MSH4: variants seen among roughly 807,000 people sequenced by gnomAD.
MSH4 encodes the protein mutS protein homolog 4.
Under a neutral mutation model 113.7 loss-of-function variants are expected in MSH4, and 106 were observed. That is an observed-to-expected ratio of 0.93 (90% CI 0.80 to 1.10). MSH4 has a LOEUF of 1.10. Ranked by LOEUF, MSH4 falls within the 50% of genes least tolerant of loss-of-function variation. MSH4 has a pLI of 0.00. For synonymous variants in MSH4, 368 were observed against 380.2 expected, an observed-to-expected ratio of 0.97 and a Z score of 0.37; for missense variants, 1,061 against 1,093.7, an observed-to-expected ratio of 0.97 and a Z score of 0.42.
At chr1:75,797,983 TTTA>T (rs1013645418) in intron 1 of MSH4, among the ~76,000 whole-genome samples, 4 of 152,132 alleles carry the variant, frequency 2.6e-5, no homozygotes, top group African/African-American at 7.2e-5. Context: ...CTTCAAATCA[TTTA>T]TTATTTTGTT....
chr1:75,833,888 A>G (rs942980405), intron 7 of MSH4, among the ~76,000 whole-genome samples: 3 of 152,160 alleles, frequency 2.0e-5, no homozygotes, highest in Admixed American at 6.6e-5. Flanking sequence ...GGACTTCATG[A>G]CTAAAACACC....
chr1:75,859,463 C>A (rs1335493817), intron 8 of MSH4, among the ~76,000 whole-genome samples: 1 of 152,192 alleles, frequency 6.6e-6, no homozygotes, highest in Non-Finnish European at 1.5e-5. Context: ...TACGTTGTGT[C>A]TTTGTTCTCA....
intron 7 of MSH4, among the ~76,000 whole-genome samples, chr1:75,837,088 T>C (rs1050571293): frequency 6.6e-6 from 1 of 152,168 alleles, no homozygotes. Context: ...GTGGGGCCTT[T>C]AGGGGGTGGT....
chr1:75,909,620 C>A (rs1482082228), intron 19 of MSH4, among the ~76,000 whole-genome samples: 1 of 151,986 alleles, frequency 6.6e-6, no homozygotes, highest in African/African-American at 2.4e-5. Context: ...AGATATTTGT[C>A]CTAATGCTAT....
Position 75,866,779 on chromosome 1 carries a change from G to C in MSH4, c.1231-735G>C, listed in dbSNP as rs374565892. 5.8e-4 allele frequency among the ~76,000 whole-genome samples: 88 copies of C among 151,528 alleles called. No homozygotes were observed. The East Asian group carries it at 0.01, about 18-fold the overall frequency. ...CTGGATCATCTGAGGTCAGGAGTTCGAGACCAGCCTAGCCAACATGGTGAA... is the reference window on the plus strand; with the variant it reads ...CTGGATCATCTGAGGTCAGGAGTTCCAGACCAGCCTAGCCAACATGGTGAA... On this transcript the variant is annotated intron_variant, in intron 8 of 19. Transcript: ENST00000263187.
intron 1 of MSH4, among the ~76,000 whole-genome samples, chr1:75,797,628 AAT>A (rs1649845810): frequency 9.9e-6 from 1 of 100,648 alleles, no homozygotes; most frequent in African/African-American, 4.0e-5. Flanking sequence ...CAGGGAAAAT[AAT>A]ATGTTTAGTA....
intron 3 of MSH4, among the ~76,000 whole-genome samples, chr1:75,807,967 A>C (rs369158367): frequency 9.7e-4 from 147 of 152,316 alleles, no homozygotes; most frequent in African/African-American, 3.4e-3. Flanking sequence ...GGACATCAGA[A>C]ATTTGACTCC....
intron 14 of MSH4, 79 bp downstream of exon 14, chr1:75,881,449 G>T: frequency 6.9e-7 from 1 of 1,455,082 alleles, no homozygotes; most frequent in East Asian, 2.4e-5. Context: ...TAATAGTTAT[G>T]ACATTTAAAA....
At chr1:75,835,444 GA>G (rs1232661866) in intron 7 of MSH4, among the ~76,000 whole-genome samples, 1 of 152,140 alleles carries the variant, frequency 6.6e-6, no homozygotes, top group Non-Finnish European at 1.5e-5. Context: ...CCAAGAATAT[GA>G]AAAGTCATTT....
In MSH4 at chr1:75,810,813, T is replaced by A; in HGVS notation, c.699+6T>A. 7.6e-7 allele frequency: 1 copy of A among 1,323,498 alleles called. No individual in the cohort carries two copies. The highest frequency in any genetic ancestry group is 1.1e-6 in the Non-Finnish European group (1 of 938,788). The allele number at this position is 1,323,498 out of a possible 1,614,324, so 82.0% of individuals were successfully genotyped here. ...TGATCACAGAAAATTTCAAGGTAAG[T>A]GATGTTTACTGTTTGTAACATTCAA... On this transcript the variant is annotated splice_donor_region_variant and intron_variant, in intron 4 of 19. Transcript: ENST00000263187.
intron 19 of MSH4, among the ~76,000 whole-genome samples, chr1:75,911,249 C>T (rs1244447243): frequency 5.9e-5 from 9 of 152,134 alleles, no homozygotes; most frequent in East Asian, 5.8e-4. Flanking sequence ...CTCGGTTTCA[C>T]GTAATCTACA....
chr1:75,842,888 G>A (rs1467239165), intron 7 of MSH4, among the ~76,000 whole-genome samples: 1 of 152,170 alleles, frequency 6.6e-6, no homozygotes, highest in African/African-American at 2.4e-5. Context: ...ACATTAGTCA[G>A]GCTCGTCCAC....
At chr1:75,834,581 C>A (rs188607091) in intron 7 of MSH4, among the ~76,000 whole-genome samples, 91 of 152,312 alleles carry the variant, frequency 6.0e-4, no homozygotes, top group Non-Finnish European at 1.2e-3. Flanking sequence ...GCATATACAC[C>A]ATGGACTACT....
intron 19 of MSH4, among the ~76,000 whole-genome samples, chr1:75,904,746 A>AT (rs57715590): frequency 0.13 from 19,980 of 151,764 alleles, 1,525 homozygotes; most frequent in East Asian, 0.26. Flanking sequence ...TTGAAGGGAG[A>AT]TTTTTTATTA....
At chr1:75,897,874 G>A in intron 17 of MSH4, 33 bp from the exon 18 acceptor site, 1 of 1,322,964 alleles carries the variant, frequency 7.6e-7, no homozygotes, top group Non-Finnish European at 9.9e-7. Context: ...AATTTTTAAA[G>A]TACTAATATT....
At chr1:75,859,582 C>G (rs1570972045) in intron 8 of MSH4, among the ~76,000 whole-genome samples, 1 of 152,054 alleles carries the variant, frequency 6.6e-6, no homozygotes, top group Non-Finnish European at 1.5e-5. Context: ...TTGAGTGAGT[C>G]TCTTAATCCT....
At chr1:75,870,141 G>A (rs1368382229) in intron 9 of MSH4, among the ~76,000 whole-genome samples, 5 of 152,216 alleles carry the variant, frequency 3.3e-5, no homozygotes, top group African/African-American at 1.2e-4. Flanking sequence ...AGGTTTGACT[G>A]TCCCACTGGA....
intron 17 of MSH4, among the ~76,000 whole-genome samples, chr1:75,891,972 G>T (rs1330847549): frequency 1.3e-5 from 2 of 152,184 alleles, no homozygotes; most frequent in Non-Finnish European, 2.9e-5. Context: ...GCCACAGAGT[G>T]CCCAGACATT....
chr1:75,815,726 C>A (rs953247530), intron 5 of MSH4, among the ~76,000 whole-genome samples: 1 of 152,046 alleles, frequency 6.6e-6, no homozygotes, highest in African/African-American at 2.4e-5. Flanking sequence ...CTGATTCTAC[C>A]GTTAAAGTAC....
Sources: gnomAD v4.1 joint callset for allele counts (sites outside exome capture counted in the v4.1 genomes callset) on GRCh38, gnomAD v4.1.1 for gene constraint, MANE v1.5 for transcripts, NCBI Gene and HGNC (gene_info 2026-07-23, HGNC 2026-07-21) for gene names.